The following CSMD1 variants were observed in gnomAD, a reference collection of about 807,000 sequenced individuals.
CSMD1 encodes CUB and sushi domain-containing protein 1.
A neutral mutation model predicts 417.5 loss-of-function variants in CSMD1; 213 were observed. That is an observed-to-expected ratio of 0.51 (90% CI 0.46 to 0.57). The LOEUF (loss-of-function observed/expected upper bound fraction) is 0.57, where lower values mean the gene tolerates loss of function less well. Ranked by LOEUF, CSMD1 falls within the 20% of genes least tolerant of loss-of-function variation. The pLI is 0.00. For missense variants in CSMD1, 6,923 were observed against 4,529.7 expected, an observed-to-expected ratio of 1.53 and a Z score of -15.17; for synonymous variants, 2,862 against 1,736.8, an observed-to-expected ratio of 1.65 and a Z score of -16.11.
At chr8:4,952,881 A>G (rs1389529015) in intron 1 of CSMD1, among the ~76,000 whole-genome samples, 1 of 152,126 alleles carries the variant, frequency 6.6e-6, no homozygotes, top group East Asian at 1.9e-4. Context: ...TGATGTTGTT[A>G]ACAAATGTTT....
intron 49 of CSMD1, among the ~76,000 whole-genome samples, chr8:3,065,221 C>T (rs10093817): frequency 0.18 from 26,751 of 151,654 alleles, 2,812 homozygotes; most frequent in African/African-American, 0.3. Context: ...AGATAAATGA[C>T]AGATGATAGA....
intron 3 of CSMD1, among the ~76,000 whole-genome samples, chr8:4,326,772 C>G (rs888095925): frequency 7.3e-5 from 11 of 151,674 alleles, no homozygotes; most frequent in African/African-American, 2.7e-4. Flanking sequence ...AGATGAGGTA[C>G]GCAGAAATGG....
At chr8:4,302,400 C>T (rs1473175300) in intron 3 of CSMD1, among the ~76,000 whole-genome samples, 2 of 152,114 alleles carry the variant, frequency 1.3e-5, no homozygotes, top group Non-Finnish European at 2.9e-5. Flanking sequence ...AGTTGAAAAC[C>T]TTTATATATG....
At chr8:3,654,106 G>T (rs1357473517) in intron 7 of CSMD1, among the ~76,000 whole-genome samples, 1 of 152,134 alleles carries the variant, frequency 6.6e-6, no homozygotes, top group Non-Finnish European at 1.5e-5. Context: ...AGAGGGTGTT[G>T]TCAGGAAACA....
chr8:3,635,052 A>C (rs1308757242), intron 7 of CSMD1, among the ~76,000 whole-genome samples: 2 of 152,122 alleles, frequency 1.3e-5, no homozygotes, highest in African/African-American at 4.8e-5. Flanking sequence ...TAATGATAAA[A>C]AAAAAAATGG....
chr8:3,406,240 G>T lies in CSMD1; in HGVS notation c.2072-19C>A. 6.5e-7 allele frequency: 1 copy of T among 1,538,988 alleles called. No individual in the cohort carries two copies. The highest frequency in any genetic ancestry group is 1.4e-5 in the African/African-American group (1 of 71,500). ...CCAAATGCTGAAAGAAAAAGAAGAA[G>T]AAAAAAGGAATAAAAATACTTGAGT... On this transcript the variant is annotated intron_variant, in intron 14 of 69. Coordinates refer to ENST00000635120, the MANE Select transcript of CSMD1 (RefSeq NM_033225.6).
intron 5 of CSMD1, among the ~76,000 whole-genome samples, chr8:3,766,192 G>A (rs1420320669): frequency 1.3e-5 from 2 of 152,184 alleles, no homozygotes; most frequent in Non-Finnish European, 2.9e-5. Flanking sequence ...AGGGACAGAG[G>A]AATGAGGCCA....
intron 2 of CSMD1, among the ~76,000 whole-genome samples, chr8:4,632,760 G>T (rs1314166499): frequency 1.3e-5 from 2 of 152,154 alleles, no homozygotes; most frequent in Admixed American, 6.5e-5. Flanking sequence ...ATGTACGTGG[G>T]TTGTTGTTTG....
rs531027999 is a variant in CSMD1, at chr8:4,704,294, T to C, written c.86-66736A>G. ...GGAAAACAGAGACTTTTACTTATTT[T>C]ATATTTTATTCAGCATTGAGTGTCT... On this transcript the variant is annotated intron_variant, in intron 1 of 69. Transcript: ENST00000635120. Among the ~76,000 whole-genome samples, 17 of 152,360 alleles carry C rather than the reference T, an allele frequency of 1.1e-4. 1 individual carries two copies. The South Asian group carries it at 3.5e-3, about 32-fold the overall frequency.
chr8:4,453,440 T>C (rs772286257), intron 2 of CSMD1, among the ~76,000 whole-genome samples: 8 of 152,160 alleles, frequency 5.3e-5, no homozygotes, highest in African/African-American at 1.7e-4. Context: ...GTCACCCGTG[T>C]GTTGGTGCAG....
intron 1 of CSMD1, among the ~76,000 whole-genome samples, chr8:4,680,329 G>A (rs891534821): frequency 1.3e-5 from 2 of 152,130 alleles, no homozygotes; most frequent in Non-Finnish European, 2.9e-5. Context: ...AAATCTGAAA[G>A]CACCGGGTCA....
intron 18 of CSMD1, among the ~76,000 whole-genome samples, chr8:3,383,307 T>G (rs1810759526): frequency 6.6e-6 from 1 of 152,230 alleles, no homozygotes; most frequent in African/African-American, 2.4e-5. Flanking sequence ...TTAAAATGTT[T>G]AAAGTTTTTA....
At chr8:4,419,584 A>C (rs1217533) in intron 3 of CSMD1, among the ~76,000 whole-genome samples, 1 of 152,192 alleles carries the variant, frequency 6.6e-6, no homozygotes. Context: ...CTCAAGCACT[A>C]TCAGTATAAT....
chr8:4,607,159 C>T (rs774683401), intron 2 of CSMD1, among the ~76,000 whole-genome samples: 5 of 151,906 alleles, frequency 3.3e-5, no homozygotes, highest in African/African-American at 7.3e-5. Flanking sequence ...TTTTAAAGCA[C>T]GATCCTTGTA....
intron 3 of CSMD1, among the ~76,000 whole-genome samples, chr8:4,323,134 G>C (rs1377551638): frequency 1.3e-5 from 2 of 152,208 alleles, no homozygotes; most frequent in South Asian, 4.1e-4. Context: ...TGGTTCCAAA[G>C]TTGTTTCCTC....
chr8:4,196,032 A>C (rs1460283988), intron 3 of CSMD1, among the ~76,000 whole-genome samples: 2 of 152,092 alleles, frequency 1.3e-5, no homozygotes, highest in African/African-American at 4.8e-5. Context: ...TAACACAGTG[A>C]AACCTCGTCT....
rs571757881 is a variant in CSMD1, at chr8:3,123,269, C to T, written c.6242-4682G>A. 7.8e-4 allele frequency among the ~76,000 whole-genome samples: 119 copies of T among 152,232 alleles called. 1 individual carries two copies. The highest frequency in any genetic ancestry group is 2.6e-3 in the African/African-American group (110 of 41,534). On this transcript the variant is annotated intron_variant, in intron 41 of 69. Coordinates refer to ENST00000635120, the MANE Select transcript of CSMD1 (RefSeq NM_033225.6). ...CCTGTCAAATGCATAGCAAGGCCAC[C>T]GCTGCCTCTGCCAGGGACCACTCCA...
chr8:3,111,765 G>A (rs1014025790), intron 42 of CSMD1, among the ~76,000 whole-genome samples: 2 of 152,118 alleles, frequency 1.3e-5, no homozygotes, highest in African/African-American at 4.8e-5. Flanking sequence ...CTGGGAGGCA[G>A]AGGGTGTAGT....
At chr8:4,607,281 AT>A (rs1800927263) in intron 2 of CSMD1, among the ~76,000 whole-genome samples, 1 of 138,654 alleles carries the variant, frequency 7.2e-6, no homozygotes, top group African/African-American at 2.8e-5. Flanking sequence ...TATGGAAAAA[AT>A]AAATAACAAA....
Sources: gnomAD v4.1 joint callset for allele counts (sites outside exome capture counted in the v4.1 genomes callset) on GRCh38, gnomAD v4.1.1 for gene constraint, MANE v1.5 for transcripts, NCBI Gene and HGNC (gene_info 2026-07-23, HGNC 2026-07-21) for gene names.